Variants in DCLK2 observed in about 807,000 individuals in gnomAD.
DCLK2 encodes doublecortin like kinase 2.
DCLK2 carries 31 observed loss-of-function variants against 78.4 expected under a neutral mutation model. The ratio of observed to expected loss-of-function variants is 0.40; its 90% CI spans 0.30 to 0.53. The LOEUF is 0.53. DCLK2 is among the 20% of genes least tolerant of loss of function. The pLI, the probability that DCLK2 is intolerant of heterozygous loss-of-function variation, is 0.61. For missense variants in DCLK2, 872 were observed against 973.7 expected (o/e 0.90, Z 1.39); for synonymous variants, 407 against 374.9 (o/e 1.09, Z -0.99).
At chr4:150,158,009 G>T (rs1055374805) in intron 2 of DCLK2, among the ~76,000 whole-genome samples, 15 of 152,302 alleles carry the variant, frequency 9.8e-5, no homozygotes, top group African/African-American at 3.4e-4. Context: ...TAATATCTAC[G>T]ATGTTTAGCT....
chr4:150,108,051 G>C lies in DCLK2; in HGVS notation c.756+5239G>C, dbSNP rs545137343. Among the ~76,000 whole-genome samples the C allele has an allele frequency of 1.2e-4, 19 of 152,168 alleles. No individual in the cohort carries two copies. The South Asian group carries it at 3.1e-3, about 25-fold the overall frequency. On this transcript the variant is annotated intron_variant, in intron 2 of 15. Transcript: ENST00000296550. The stretch of plus-strand genomic sequence containing the variant: ...TACTGTACTTAAAAGTGATATCATG[G>C]TTACTGATTTTCTAAAAACAAAATA...
chr4:150,151,328 G>GT (rs1306622775), intron 2 of DCLK2, among the ~76,000 whole-genome samples: 1 of 152,136 alleles, frequency 6.6e-6, no homozygotes, highest in Non-Finnish European at 1.5e-5. Context: ...ATCCTAGTCA[G>GT]TTTATCTAAG....
chr4:150,126,781 C>G (rs1732947298), intron 2 of DCLK2, among the ~76,000 whole-genome samples: 2 of 152,306 alleles, frequency 1.3e-5, no homozygotes, highest in Admixed American at 1.3e-4. Context: ...GTGCTATTAA[C>G]TGATCTACAG....
intron 2 of DCLK2, among the ~76,000 whole-genome samples, chr4:150,106,683 T>C (rs1731279196): frequency 6.6e-6 from 1 of 151,958 alleles, no homozygotes; most frequent in South Asian, 2.1e-4. Context: ...TGTGTGAGAG[T>C]TTTAAGGGGC....
intron 11 of DCLK2, 125 bp from the exon 12 acceptor site, chr4:150,240,274 A>G: frequency 1.2e-6 from 1 of 807,660 alleles, no homozygotes; most frequent in South Asian, 1.9e-5. Context: ...TCTCTATGTG[A>G]AATGAAATGA....
In DCLK2 at chr4:150,080,707, T is replaced by G. The variant is rs562378408; in HGVS notation, c.421+1259T>G. ...CTTGCCTCACAGTGCCTGCAGCATA[T>G]ACTTTCTCGTCTACGATTCACCTCT... On this transcript the variant is annotated intron_variant, in intron 1 of 15. Transcript: ENST00000296550. Among the ~76,000 whole-genome samples the G allele has an allele frequency of 8.5e-5, 13 of 152,360 alleles. No homozygotes were observed. In the South Asian group the frequency reaches 2.7e-3, roughly 32 times the overall value.
intron 2 of DCLK2, among the ~76,000 whole-genome samples, chr4:150,128,263 C>G (rs1733056867): frequency 6.6e-6 from 1 of 152,078 alleles, no homozygotes; most frequent in African/African-American, 2.4e-5. Context: ...GTTGGGAAAC[C>G]ATGACTTAAT....
At chr4:150,084,919 G>A (rs941487541) in intron 1 of DCLK2, among the ~76,000 whole-genome samples, 2 of 152,100 alleles carry the variant, frequency 1.3e-5, no homozygotes, top group South Asian at 2.1e-4. Context: ...AACCATTACC[G>A]TAAGGATTAG....
chr4:150,231,955 G>A (rs1742103754), intron 8 of DCLK2, among the ~76,000 whole-genome samples: 1 of 152,198 alleles, frequency 6.6e-6, no homozygotes, highest in African/African-American at 2.4e-5. Flanking sequence ...ATTTGTGAGT[G>A]TATACCGAAA....
intron 12 of DCLK2, among the ~76,000 whole-genome samples, chr4:150,242,428 G>A (rs997020523): frequency 3.3e-5 from 5 of 152,340 alleles, no homozygotes; most frequent in Admixed American, 2.6e-4. Flanking sequence ...TACACAGACT[G>A]TAGAATTACT....
chr4:150,164,167 C>A (rs1735902441), intron 2 of DCLK2, among the ~76,000 whole-genome samples: 1 of 152,230 alleles, frequency 6.6e-6, no homozygotes, highest in Non-Finnish European at 1.5e-5. Context: ...AGTATAATGT[C>A]TGTCTCTTTA....
intron 2 of DCLK2, among the ~76,000 whole-genome samples, chr4:150,103,566 A>G (rs1731029840): frequency 2.0e-5 from 3 of 148,188 alleles, no homozygotes; most frequent in Non-Finnish European, 4.5e-5. Context: ...TTATATTTAC[A>G]TTGTATTAAA....
rs569362475 is a variant in DCLK2 at position 150,131,960 on chromosome 4, C to T, written c.756+29148C>T. On this transcript the variant is annotated intron_variant, in intron 2 of 15. Transcript: ENST00000296550. ...ACCCCTTGTTCAGGAATTACTAAGA[C>T]ATTCAAGACAGCAACAGTATGTTAA... 1.3e-4 allele frequency among the ~76,000 whole-genome samples: 20 copies of T among 152,258 alleles called. 1 individual carries two copies. The highest frequency in any genetic ancestry group is 4.8e-4 in the African/African-American group (20 of 41,530).
chr4:150,246,451 C>G (rs1358699299), intron 12 of DCLK2, among the ~76,000 whole-genome samples: 1 of 152,178 alleles, frequency 6.6e-6, no homozygotes, highest in African/African-American at 2.4e-5. Context: ...TCTCAGGACA[C>G]CACGCTTGCC....
chr4:150,228,218 C>G, intron 8 of DCLK2, among the ~76,000 whole-genome samples: 1 of 152,210 alleles, frequency 6.6e-6, no homozygotes, highest in East Asian at 1.9e-4. Flanking sequence ...CTGCAGAACT[C>G]TTTTCCCAAG....
At chr4:150,205,402 C>T (rs1332785719) in intron 5 of DCLK2, among the ~76,000 whole-genome samples, 4 of 152,184 alleles carry the variant, frequency 2.6e-5, no homozygotes, top group African/African-American at 9.7e-5. Context: ...GTTTTTGTGC[C>T]TGCTTGCTTA....
intron 2 of DCLK2, among the ~76,000 whole-genome samples, chr4:150,164,256 C>G (rs570197669): frequency 1.3e-5 from 2 of 152,198 alleles, no homozygotes; most frequent in African/African-American, 4.8e-5. Flanking sequence ...AATACAGATG[C>G]CTGGCCCCAT....
intron 8 of DCLK2, among the ~76,000 whole-genome samples, chr4:150,231,198 A>G (rs1322173411): frequency 6.6e-6 from 1 of 152,262 alleles, no homozygotes; most frequent in Non-Finnish European, 1.5e-5. Context: ...CCAAGGATAA[A>G]GTGTTCAAAC....
At chr4:150,164,760 C>T (rs1735946230) in intron 2 of DCLK2, among the ~76,000 whole-genome samples, 1 of 152,096 alleles carries the variant, frequency 6.6e-6, no homozygotes, top group Non-Finnish European at 1.5e-5. Flanking sequence ...GATTGTGCCA[C>T]TGCACTCCAG....
Sources: allele counts gnomAD v4.1 joint callset (sites outside exome capture counted in the v4.1 genomes callset), GRCh38; gene constraint gnomAD v4.1.1; transcripts MANE v1.5; gene names NCBI Gene and HGNC (gene_info 2026-07-23, HGNC 2026-07-21).